The following WDR70 variants were observed in gnomAD, a reference collection of about 807,000 sequenced individuals.
WDR70 encodes WD repeat domain 70, also known as WD repeat-containing protein 70.
Under a neutral mutation model 88.6 loss-of-function variants are expected in WDR70, and 53 were observed. The ratio of observed to expected loss-of-function variants is 0.60; its 90% CI spans 0.48 to 0.75. WDR70 has a LOEUF of 0.75. WDR70 is among the 30% of genes least tolerant of loss of function. The probability of loss-of-function intolerance (pLI) is 0.00; values close to 1 mark genes in which losing one functional copy is unlikely to be tolerated. For missense variants in WDR70, 610 were observed against 823.2 expected, an observed-to-expected ratio of 0.74 and a Z score of 3.17; for synonymous variants, 280 against 270.0, an observed-to-expected ratio of 1.04 and a Z score of -0.36.
chr5:37,636,832 A>G (rs1744979745), intron 10 of WDR70, among the ~76,000 whole-genome samples: 2 of 152,188 alleles, frequency 1.3e-5, no homozygotes, highest in African/African-American at 4.8e-5. Context: ...GAGATCCTGT[A>G]TTTGATGTGG....
intron 9 of WDR70, among the ~76,000 whole-genome samples, chr5:37,557,901 A>ATACTCTTTTGAATACTCTTCAGAAGAG (rs1561900701): frequency 3.2e-5 from 1 of 30,808 alleles, no homozygotes; most frequent in Admixed American, 3.5e-4. Flanking sequence ...CTTCAGATTT[A>ATACTCTTTTGAATACTCTTCAGAAGAG]TACTCTTTTG....
At chr5:37,577,324 A>C (rs1041654417) in intron 9 of WDR70, among the ~76,000 whole-genome samples, 8 of 152,070 alleles carry the variant, frequency 5.3e-5, no homozygotes, top group Non-Finnish European at 1.2e-4. Context: ...ACAAAAAATA[A>C]AAAAGGAATA....
intron 9 of WDR70, among the ~76,000 whole-genome samples, chr5:37,601,654 G>GT (rs752913990): frequency 1.2e-4 from 18 of 150,806 alleles, no homozygotes; most frequent in East Asian, 7.8e-4. Flanking sequence ...TCAGGTCCTG[G>GT]TTTTTTTTTG....
In WDR70 at chr5:37,611,418, G is replaced by A. The variant is rs1462168110; in HGVS notation, c.1092+6180G>A. Among the ~76,000 whole-genome samples, 3 of 151,866 alleles carry A rather than the reference G, an allele frequency of 2.0e-5. No homozygotes were observed. The East Asian group carries it at 5.8e-4, about 29-fold the overall frequency. ...GTATGTGTACTAAGCTAGATTGTTA[G>A]CAAGAAGGAAGAATTTTATGATAGC... On this transcript the variant is annotated intron_variant, in intron 10 of 17. Coordinates refer to ENST00000265107, the MANE Select transcript of WDR70 (RefSeq NM_018034.4).
At chr5:37,398,528 T>C (rs966535761) in intron 5 of WDR70, among the ~76,000 whole-genome samples, 1 of 152,350 alleles carries the variant, frequency 6.6e-6, no homozygotes, top group East Asian at 1.9e-4. Context: ...TCGGTATTCT[T>C]TGCGTATTCC....
intron 2 of WDR70, among the ~76,000 whole-genome samples, chr5:37,380,358 A>G (rs1748388145): frequency 6.6e-6 from 1 of 151,000 alleles, no homozygotes; most frequent in Non-Finnish European, 1.5e-5. Flanking sequence ...TTTTTTTTGG[A>G]GACGGAGTCT....
At chr5:37,573,699 TGAG>T (rs1288678307) in intron 9 of WDR70, among the ~76,000 whole-genome samples, 1 of 152,034 alleles carries the variant, frequency 6.6e-6, no homozygotes, top group Admixed American at 6.6e-5. Context: ...AGTTCCAAAA[TGAG>T]TTAGTTGTCT....
chr5:37,683,431 C>T (rs867089293), intron 10 of WDR70, among the ~76,000 whole-genome samples: 3 of 152,164 alleles, frequency 2.0e-5, no homozygotes, highest in Admixed American at 6.5e-5. Context: ...GGTTGCTTTA[C>T]AGTGTCAGTG....
chr5:37,595,610 A>C (rs1743679525), intron 9 of WDR70, among the ~76,000 whole-genome samples: 1 of 152,226 alleles, frequency 6.6e-6, no homozygotes, highest in Admixed American at 6.5e-5. Flanking sequence ...ATTCATCTGG[A>C]AATGTAAACA....
intron 10 of WDR70, among the ~76,000 whole-genome samples, chr5:37,688,885 G>A (rs1052582853): frequency 5.3e-5 from 8 of 151,988 alleles, no homozygotes; most frequent in African/African-American, 1.2e-4. Flanking sequence ...GCGGGGCATC[G>A]CCTCACCTGG....
intron 10 of WDR70, among the ~76,000 whole-genome samples, chr5:37,667,037 G>A (rs1745861496): frequency 6.6e-6 from 1 of 152,140 alleles, no homozygotes; most frequent in South Asian, 2.1e-4. Flanking sequence ...TGGATCTAGA[G>A]GGAGGTAACA....
intron 7 of WDR70, among the ~76,000 whole-genome samples, chr5:37,454,796 A>G (rs1345881722): frequency 6.6e-6 from 1 of 152,230 alleles, no homozygotes; most frequent in East Asian, 1.9e-4. Flanking sequence ...ACTAAGTATA[A>G]CTATAGACTT....
At chr5:37,637,587 A>C (rs1325740917) in intron 10 of WDR70, among the ~76,000 whole-genome samples, 1 of 152,112 alleles carries the variant, frequency 6.6e-6, no homozygotes, top group East Asian at 1.9e-4. Context: ...GAAGGGGTAA[A>C]CTTTTGGTCT....
chr5:37,595,070 A>G (rs1250699745), intron 9 of WDR70, among the ~76,000 whole-genome samples: 3 of 152,182 alleles, frequency 2.0e-5, no homozygotes, highest in Admixed American at 2.0e-4. Flanking sequence ...TAAATATGCA[A>G]TCATGTCATC....
intron 13 of WDR70, among the ~76,000 whole-genome samples, chr5:37,713,323 T>G (rs1170696702): frequency 3.3e-5 from 5 of 152,252 alleles, no homozygotes; most frequent in African/African-American, 9.6e-5. Context: ...ACAAGCTATA[T>G]TAAAAAACAT....
chr5:37,702,056 T>C (rs1053046593), intron 12 of WDR70, among the ~76,000 whole-genome samples: 1 of 152,100 alleles, frequency 6.6e-6, no homozygotes, highest in Non-Finnish European at 1.5e-5. Context: ...CTTAGGCAAA[T>C]TGTTCTATTT....
intron 9 of WDR70, among the ~76,000 whole-genome samples, chr5:37,544,782 T>A (rs777005291): frequency 8.5e-5 from 13 of 152,222 alleles, no homozygotes; most frequent in Non-Finnish European, 1.3e-4. Context: ...TGTGAGGGTT[T>A]CTCTTATATC....
At chr5:37,502,866 C>T (rs1444931098) in intron 8 of WDR70, among the ~76,000 whole-genome samples, 1 of 152,158 alleles carries the variant, frequency 6.6e-6, no homozygotes, top group Non-Finnish European at 1.5e-5. Context: ...CTTGTGAGAA[C>T]TCACTATCAC....
At chr5:37,696,766 T>C (rs1746995233) in intron 10 of WDR70, among the ~76,000 whole-genome samples, 1 of 152,216 alleles carries the variant, frequency 6.6e-6, no homozygotes, top group Non-Finnish European at 1.5e-5. Flanking sequence ...TCTTTGTTCA[T>C]ATAGACCACA....
Sources: gnomAD v4.1 joint callset for allele counts (sites outside exome capture counted in the v4.1 genomes callset) on GRCh38, gnomAD v4.1.1 for gene constraint, MANE v1.5 for transcripts, NCBI Gene and HGNC (gene_info 2026-07-23, HGNC 2026-07-21) for gene names.